The following CYP2A6 variants were observed in gnomAD, a reference collection of about 807,000 sequenced individuals.
The protein encoded by CYP2A6 is cytochrome P450 family 2 subfamily A member 6.
A neutral mutation model predicts 42.3 loss-of-function variants in CYP2A6; 27 were observed. The observed-to-expected ratio is 0.64, with a 90% CI of 0.47 to 0.88. The LOEUF is 0.88. Ranked by LOEUF, CYP2A6 falls within the 40% of genes least tolerant of loss-of-function variation. The probability of loss-of-function intolerance (pLI) is 0.00; values close to 1 mark genes in which losing one functional copy is unlikely to be tolerated. For synonymous variants in CYP2A6, 238 were observed against 246.3 expected (o/e 0.97, Z 0.31); for missense variants, 628 against 646.0 (o/e 0.97, Z 0.30).
chr19:40,849,783 C>T (rs1967186153), intron 2 of CYP2A6, 35 bp downstream of exon 2: 1 of 1,607,918 alleles, frequency 6.2e-7, no homozygotes, highest in Non-Finnish European at 8.5e-7. Context: ...TTCGTGTCCA[C>T]CTGGCCACCT....
chr19:40,848,243 C>G lies in CYP2A6; in HGVS notation c.630G>C (p.Gln210His). ...SLLRMMLGIF[Q>H]FTSTSTGQLY... The stretch of plus-strand genomic sequence containing the variant: ...CCTGCCCCGTGGAGGTTGACGTGAA[C>G]TGGAAGATTCCTAGCATCATGCGCA... Residue 210 changes from glutamine to histidine, a missense_variant, in exon 4 of 9, where the codon CAG (glutamine) becomes CAC (histidine). Physicochemically the swap from Gln to His is conservative, Grantham distance 24 (BLOSUM62 0). Transcript: ENST00000301141. 1 of 1,611,824 alleles carries G rather than the reference C, an allele frequency of 6.2e-7. No individual in the cohort carries two copies. The highest frequency in any genetic ancestry group is 8.5e-7 in the Non-Finnish European group (1 of 1,179,920).
chr19:40,850,062 A>T (rs1967192383), intron 1 of CYP2A6, 82 bp from the exon 2 acceptor site: 2 of 1,571,066 alleles, frequency 1.3e-6, no homozygotes, highest in Admixed American at 1.8e-5. Context: ...ATGTGCTGGG[A>T]TGCTTCGCAC....
chr19:40,848,818 C>T, intron 2 of CYP2A6, 55 bp from the exon 3 acceptor site: 5 of 1,560,666 alleles, frequency 3.2e-6, no homozygotes, highest in Non-Finnish European at 4.3e-6. Context: ...GGGGCAGGAG[C>T]GGAGCAGCTC....
chr19:40,849,665 T>G (rs552926611), intron 2 of CYP2A6, among the ~76,000 whole-genome samples, 153 bp downstream of exon 2: 72 of 151,232 alleles, frequency 4.8e-4, no homozygotes, highest in Non-Finnish European at 6.6e-4. Context: ...GGGATACACA[T>G]GGAGAGGCCA....
rs370819234 is a variant in CYP2A6, at chr19:40,844,037, A to G, written c.1304-60T>C. On this transcript the variant is annotated intron_variant, in intron 8 of 8. Coordinates refer to ENST00000301141, the MANE Select transcript of CYP2A6 (RefSeq NM_000762.6). ...CCCACTCTCAGTGCAGCCTCGCCCC[A>G]GTACCGACCTCCAGCTGCGGCTCTC... 1.2e-3 allele frequency: 1,812 copies of G among 1,516,202 alleles called. 7 individuals are homozygous for G. Among genetic ancestry groups the G allele is most frequent in the African/African-American group, 6.5e-3 (466 of 71,202 alleles). The allele number at this position is 1,516,202 out of a possible 1,614,324, so 93.9% of individuals were successfully genotyped here. A position where few individuals can be genotyped will look rare whatever the true frequency, so the allele number is the denominator to read the frequency against.
chr19:40,845,855 T>A, intron 6 of CYP2A6, 101 bp downstream of exon 6: 8 of 1,526,168 alleles, frequency 5.2e-6, no homozygotes, highest in Non-Finnish European at 7.1e-6. Flanking sequence ...GCAAGTCACG[T>A]CTCAGGGTCC....
At chr19:40,850,203 G>C in intron 1 of CYP2A6, 44 bp downstream of exon 1, 1 of 1,586,594 alleles carries the variant, frequency 6.3e-7, no homozygotes, top group East Asian at 2.3e-5. Flanking sequence ...CAGCCAACTA[G>C]GCAGCCCCCA....
At position 40,844,746 on chromosome 19, in the gene CYP2A6, G is replaced by C; in HGVS notation, c.1188C>G (p.Gly396=). ...PKGTEVYPML[G]SVLRDPSFFS... ...AGAAACTGGGGTCTCTCAGCACAGAGCCCAGCATAGGGTACACTTCGGTGC... is the reference window on the plus strand; with the variant it reads ...AGAAACTGGGGTCTCTCAGCACAGACCCCAGCATAGGGTACACTTCGGTGC... Residue 396 remains glycine (G), a synonymous_variant, in exon 8 of 9, where the codon GGC becomes GGG. Transcript: ENST00000301141. 1 of 1,611,606 alleles carries C rather than the reference G, an allele frequency of 6.2e-7. No individual in the cohort carries two copies. The highest frequency in any genetic ancestry group is 1.1e-5 in the South Asian group (1 of 90,908).
chr19:40,845,486 G>A lies in CYP2A6; in HGVS notation c.974-5C>T. On this transcript the variant is annotated splice_region_variant and splice_polypyrimidine_tract_variant and intron_variant, in intron 6 of 8. Coordinates refer to ENST00000301141, the MANE Select transcript of CYP2A6 (RefSeq NM_000762.6). ...CAATCTCCTCATGGACCTTGGCTGG[G>A]GGAGGAGGGGGAATGTGTTTAGGTA... is the stretch of plus-strand genomic sequence containing the variant. The A allele has an allele frequency of 1.2e-6, 2 of 1,611,404 alleles. No individual in the cohort carries two copies. Among genetic ancestry groups the A allele is most frequent in the Non-Finnish European group, 1.7e-6 (2 of 1,179,596 alleles).
At chr19:40,848,938 G>C (rs1180380311) in intron 2 of CYP2A6, among the ~76,000 whole-genome samples, 175 bp from the exon 3 acceptor site, 1 of 72,752 alleles carries the variant, frequency 1.4e-5, no homozygotes, top group Admixed American at 1.6e-4. Flanking sequence ...ACGATGTCGA[G>C]GTAGAGAGAG....
intron 7 of CYP2A6, 131 bp downstream of exon 7, chr19:40,845,163 T>A (rs768694118): frequency 7.9e-6 from 9 of 1,137,424 alleles, no homozygotes; most frequent in Non-Finnish European, 1.2e-5. Context: ...GATGTGGTGG[T>A]TGGGGAAGTC....
Position 40,846,936 on chromosome 19 carries a change from C to G in CYP2A6, c.770G>C (p.Arg257Pro), listed in dbSNP as rs778072113. The change falls in exon 5 of 9, where the codon CGC becomes CCC. Residue 257 changes from arginine (R) to proline (P), a missense_variant. Physicochemically the swap from Arg to Pro is moderately radical, Grantham distance 103. Around this residue, in one of 2 missense-constraint regions of CYP2A6, gnomAD observed 606 missense variants for 568.1 expected, o/e 1.07. Coordinates refer to ENST00000301141, the MANE Select transcript of CYP2A6 (RefSeq NM_000762.6). ...CCGTGGGGAATTGGGATCCAGCGTG[C>G]GCTGGTTGTGCTCCACCTTCTTGGC... ...FIAKKVEHNQRTLDPNSPRDF... is the reference protein window; with the variant it reads ...FIAKKVEHNQPTLDPNSPRDF... 2 of 1,612,048 alleles carry G rather than the reference C, an allele frequency of 1.2e-6. No individual in the cohort carries two copies. Among genetic ancestry groups the G allele is most frequent in the Non-Finnish European group, 1.7e-6 (2 of 1,179,934 alleles).
intron 2 of CYP2A6, 149 bp from the exon 3 acceptor site, chr19:40,848,912 A>G (rs2145124889): frequency 1.3e-6 from 1 of 763,912 alleles, no homozygotes; most frequent in East Asian, 3.6e-5. Flanking sequence ...AGAGCTGCAA[A>G]CTCAGTCAGA....
Position 40,845,346 on chromosome 19 carries a change from A to G in CYP2A6, c.1109T>C (p.Leu370Ser), listed in dbSNP as rs142447929. 3 of 1,611,502 alleles carry G rather than the reference A, an allele frequency of 1.9e-6. No homozygotes were observed. Among genetic ancestry groups the G allele is most frequent in the African/African-American group, 1.3e-5 (1 of 74,540 alleles). ...GGTGTCCTTTTTGACTCTGCGGGCC[A>G]AACTCATGGGGATCACGTCTCCAAA... The part of the protein sequence containing the change: ...QRFGDVIPMS[L>S]ARRVKKDTKF... The change falls in exon 7 of 9, where the codon TTG becomes TCG. Residue 370 changes from leucine to serine, a missense_variant. Leu to Ser is a moderately radical substitution (Grantham distance 145). Transcript: ENST00000301141.
rs140911924 is a variant in CYP2A6 at position 40,849,513 on chromosome 19, A to G, written c.343+305T>C. ...GACAAAAAGACAAATGAAGACAGAG[A>G]ACCAGGGCTGGAAAACAGAAACCCA... On this transcript the variant is annotated intron_variant, in intron 2 of 8. Transcript: ENST00000301141. 1.1e-3 allele frequency among the ~76,000 whole-genome samples: 159 copies of G among 150,818 alleles called. 3 individuals are homozygous for G. Among genetic ancestry groups the G allele is most frequent in the South Asian group, 5.3e-3 (25 of 4,676 alleles).
chr19:40,845,042 G>T (rs1416105656), intron 7 of CYP2A6: 1 of 648,078 alleles, frequency 1.5e-6, no homozygotes. Flanking sequence ...AATGGAAAGG[G>T]GGCTTCTGTT....
rs765311192 is a variant in CYP2A6 at position 40,846,917 on chromosome 19, G to T, written c.789C>A (p.Ser263=). 3.1e-6 allele frequency: 5 copies of T among 1,612,160 alleles called. No homozygotes were observed. The highest frequency in any genetic ancestry group is 2.5e-6 in the Non-Finnish European group (3 of 1,179,964). The part of the protein sequence containing the change: ...EHNQRTLDPN[S]PRDFIDSFLI... The stretch of plus-strand genomic sequence containing the variant: ...GAAAGGAGTCAATGAAGTCCCGTGG[G>T]GAATTGGGATCCAGCGTGCGCTGGT... Residue 263 remains serine (S), a synonymous_variant, in exon 5 of 9, where the codon TCC becomes TCA. Coordinates refer to ENST00000301141, the MANE Select transcript of CYP2A6 (RefSeq NM_000762.6).
chr19:40,846,167 T>C, intron 5 of CYP2A6, 70 bp from the exon 6 acceptor site: 1 of 1,585,212 alleles, frequency 6.3e-7, no homozygotes, highest in South Asian at 1.1e-5. Context: ...GGCTTTTCCT[T>C]TGGATCTACC....
At position 40,849,981 on chromosome 19, in the gene CYP2A6, C is replaced by A; in HGVS notation, c.181-1G>T. 1.9e-6 allele frequency: 3 copies of A among 1,610,536 alleles called. No homozygotes were observed. The highest frequency in any genetic ancestry group is 2.5e-6 in the Non-Finnish European group (3 of 1,179,056). On this transcript the variant is annotated splice_acceptor_variant, in intron 1 of 8. Transcript: ENST00000301141. LOFTEE classifies it high-confidence loss of function. Reference sequence around the variant, plus strand: ...ACACGGGGCCATAGCGCTCACTGATCTGATGGAGGTGGGTGGGAGTGGTTA... The same window carrying A: ...ACACGGGGCCATAGCGCTCACTGATATGATGGAGGTGGGTGGGAGTGGTTA...
Sources: gnomAD v4.1 joint callset for allele counts (sites outside exome capture counted in the v4.1 genomes callset) on GRCh38, gnomAD v4.1.1 for gene constraint, gnomAD v4.1.1 regional missense constraint, MANE v1.5 for transcripts, NCBI Gene and HGNC (gene_info 2026-07-23, HGNC 2026-07-21) for gene names.